ENTREP2: variants seen among roughly 807,000 people sequenced by gnomAD.
The protein encoded by ENTREP2 is protein ENTREP2.
At chr15:29,375,273 T>C in the ENTREP2 span, 4 of 152,342 alleles carry the variant, frequency 2.6e-5, no homozygotes, top group South Asian at 8.3e-4. Flanking sequence ...AAACCCTAAT[T>C]TTGTGACTGG....
the ENTREP2 span, among the ~76,000 whole-genome samples, chr15:29,406,322 G>A: frequency 6.6e-6 from 1 of 152,194 alleles, no homozygotes; most frequent in Non-Finnish European, 1.5e-5. Flanking sequence ...CAAGGCGGGT[G>A]GATCACTTGA....
chr15:29,619,032 C>T, the ENTREP2 span, among the ~76,000 whole-genome samples: 5 of 152,194 alleles, frequency 3.3e-5, no homozygotes, highest in East Asian at 9.6e-4. Flanking sequence ...CGGCAGGGGC[C>T]CATTTGAGTT....
At chr15:29,389,509 A>C in the ENTREP2 span, among the ~76,000 whole-genome samples, 1 of 152,146 alleles carries the variant, frequency 6.6e-6, no homozygotes, top group Admixed American at 6.5e-5. Flanking sequence ...CTTGCTGTTC[A>C]TCAGTGAGCT....
chr15:29,589,913 C>A, the ENTREP2 span, among the ~76,000 whole-genome samples: 1 of 152,090 alleles, frequency 6.6e-6, no homozygotes, highest in Admixed American at 6.6e-5. Flanking sequence ...GGAGGTGATG[C>A]GTGAAAAAGC....
At chr15:29,462,112 T>C in the ENTREP2 span, among the ~76,000 whole-genome samples, 3 of 152,208 alleles carry the variant, frequency 2.0e-5, no homozygotes, top group African/African-American at 7.2e-5. Flanking sequence ...TAATGTTTCA[T>C]GACAGGTGTA....
the ENTREP2 span, among the ~76,000 whole-genome samples, chr15:29,416,613 A>C: frequency 6.6e-6 from 1 of 152,190 alleles, no homozygotes; most frequent in African/African-American, 2.4e-5. Context: ...TAAAACACCA[A>C]AAGCAATGGC....
the ENTREP2 span, chr15:29,609,984 G>A: frequency 6.6e-6 from 1 of 150,392 alleles, no homozygotes. Flanking sequence ...GGGGCTCCTT[G>A]AGCAGAAGAA....
chr15:29,527,394 G>A, the ENTREP2 span, among the ~76,000 whole-genome samples: 8 of 152,062 alleles, frequency 5.3e-5, no homozygotes, highest in African/African-American at 1.9e-4. Context: ...GCCACCCCAC[G>A]ATCAGCTGAT....
the ENTREP2 span, among the ~76,000 whole-genome samples, chr15:29,351,812 T>C: frequency 6.8e-6 from 1 of 146,200 alleles, no homozygotes; most frequent in Admixed American, 6.8e-5. Context: ...CACAGCTTTT[T>C]TATTTTTTTT....
chr15:29,550,748 T>C, the ENTREP2 span, among the ~76,000 whole-genome samples: 1 of 152,214 alleles, frequency 6.6e-6, no homozygotes, highest in South Asian at 2.1e-4. Context: ...ACACAATGTT[T>C]CCTTGTGTCA....
At chr15:29,601,054 C>T in the ENTREP2 span, among the ~76,000 whole-genome samples, 23,543 of 148,100 alleles carry the variant, frequency 0.16, 503 homozygotes, top group Middle Eastern at 0.3. Flanking sequence ...CCCGCCACCA[C>T]GCCCGGCTAA....
chr15:29,124,142 C>T, the ENTREP2 span, among the ~76,000 whole-genome samples: 2 of 152,212 alleles, frequency 1.3e-5, no homozygotes, highest in Non-Finnish European at 2.9e-5. Flanking sequence ...GCTCCACTGC[C>T]TGCCAGGCCA....
the ENTREP2 span, among the ~76,000 whole-genome samples, chr15:29,471,866 T>C: frequency 6.6e-6 from 1 of 152,078 alleles, no homozygotes; most frequent in Non-Finnish European, 1.5e-5. Context: ...ACGTGGAGAT[T>C]TGGGGGCCCT....
the ENTREP2 span, among the ~76,000 whole-genome samples, chr15:29,394,645 G>C: frequency 6.6e-6 from 1 of 152,010 alleles, no homozygotes; most frequent in African/African-American, 2.4e-5. Context: ...CATTCACCTT[G>C]TGCAAACATT....
At chr15:29,254,161 CAAA>C in the ENTREP2 span, among the ~76,000 whole-genome samples, 2,732 of 61,146 alleles carry the variant, frequency 0.045, 80 homozygotes, top group African/African-American at 0.17. Context: ...TGTTAAAGAG[CAAA>C]AAAAAAAAAA....
the ENTREP2 span, among the ~76,000 whole-genome samples, chr15:29,419,685 C>A: frequency 6.6e-6 from 1 of 152,110 alleles, no homozygotes; most frequent in Non-Finnish European, 1.5e-5. Context: ...ATCTTAAAAG[C>A]AGCAAAGGAG....
At chr15:29,659,590 A>C in the ENTREP2 span, among the ~76,000 whole-genome samples, 1 of 152,344 alleles carries the variant, frequency 6.6e-6, no homozygotes, top group African/African-American at 2.4e-5. Context: ...AAAATATTAC[A>C]TTCCTGCCTC....
chr15:29,332,488 GA>G, the ENTREP2 span, among the ~76,000 whole-genome samples: 18 of 152,116 alleles, frequency 1.2e-4, no homozygotes, highest in Non-Finnish European at 1.2e-4. Context: ...TTTTTTTCCT[GA>G]AGGGAAGAAA....
At chr15:29,483,776 C>G in the ENTREP2 span, among the ~76,000 whole-genome samples, 1 of 152,206 alleles carries the variant, frequency 6.6e-6, no homozygotes, top group African/African-American at 2.4e-5. Flanking sequence ...TGCTTTTCCA[C>G]ATAAATTTCA....
Sources: allele counts gnomAD v4.1 joint callset (sites outside exome capture counted in the v4.1 genomes callset), GRCh38; gene constraint gnomAD v4.1.1; transcripts MANE v1.5; gene names NCBI Gene and HGNC (gene_info 2026-07-23, HGNC 2026-07-21).